The following CTNNA2 variants were observed in gnomAD, a reference collection of about 807,000 sequenced individuals.
The protein encoded by CTNNA2 is catenin alpha 2.
Under a neutral mutation model 101.0 loss-of-function variants are expected in CTNNA2, and 42 were observed. The observed-to-expected ratio is 0.42, with a 90% confidence interval of 0.32 to 0.54. The LOEUF is 0.54. Ranked by LOEUF, CTNNA2 falls within the 20% of genes least tolerant of loss-of-function variation. CTNNA2 has a pLI of 0.14. For missense variants in CTNNA2, 871 were observed against 1,223.1 expected (o/e 0.71, Z 4.29); for synonymous variants, 450 against 456.4 (o/e 0.99, Z 0.18).
chr2:80,099,755 C>CAAA lies in CTNNA2; in HGVS notation c.1056+189971_1056+189973dup, dbSNP rs11435408. Among the ~76,000 whole-genome samples, 158 of 141,462 alleles carry CAAA rather than the reference C, an allele frequency of 1.1e-3. No individual in the cohort carries two copies. In the East Asian group the frequency reaches 0.021, roughly 18 times the overall value. 92.8% of individuals were successfully genotyped at this position (141,462 alleles called of 152,430 possible). On this transcript the variant is annotated intron_variant, in intron 7 of 18. Transcript: ENST00000402739. ...TTGCTTATGTTTTTACTCTTTCCTT[C>CAAA]AAAAAAAAAAAAAAACATTTATCAA...
chr2:79,866,533 C>G lies in CTNNA2; in HGVS notation c.466-3283C>G, dbSNP rs1682112464. 4 of 152,268 alleles carry G rather than the reference C, an allele frequency of 2.6e-5. No homozygotes were observed. The South Asian group carries it at 8.3e-4, about 32-fold the overall frequency. 9.4% of individuals were successfully genotyped at this position (152,268 alleles called of 1,614,324 possible). The stretch of plus-strand genomic sequence containing the variant: ...AGGACATAAGTGTCTTCCAAACCTC[C>G]CCCTTATCAAAGGGCTCAGCCGTTG... On this transcript the variant is annotated intron_variant, in intron 4 of 18. Coordinates refer to ENST00000402739, the MANE Select transcript of CTNNA2 (RefSeq NM_001282597.3).
At chr2:80,060,593 C>G (rs533124647) in intron 7 of CTNNA2, among the ~76,000 whole-genome samples, 1 of 152,218 alleles carries the variant, frequency 6.6e-6, no homozygotes, top group African/African-American at 2.4e-5. Context: ...TCTCCCTCTG[C>G]TATGAAGAGT....
At chr2:80,190,850 A>G (rs1252375916) in intron 7 of CTNNA2, among the ~76,000 whole-genome samples, 2 of 152,136 alleles carry the variant, frequency 1.3e-5, no homozygotes, top group Admixed American at 1.3e-4. Context: ...TCCTTTTGCA[A>G]CAGCAATGTC....
intron 4 of CTNNA2, among the ~76,000 whole-genome samples, chr2:79,494,348 G>A (rs979300315): frequency 6.6e-6 from 1 of 150,836 alleles, no homozygotes; most frequent in African/African-American, 2.4e-5. Context: ...ATCTAGAATA[G>A]CAAAATCAGT....
At chr2:79,370,464 A>T (rs1677844791) in intron 3 of CTNNA2, among the ~76,000 whole-genome samples, 1 of 152,218 alleles carries the variant, frequency 6.6e-6, no homozygotes, top group African/African-American at 2.4e-5. Context: ...GGATGTTAGC[A>T]ATAGAAAATC....
At chr2:80,488,088 A>C (rs1686741777) in intron 9 of CTNNA2, among the ~76,000 whole-genome samples, 1 of 152,166 alleles carries the variant, frequency 6.6e-6, no homozygotes, top group African/African-American at 2.4e-5. Flanking sequence ...CCTATACCTT[A>C]TTTGCAATTT....
intron 9 of CTNNA2, among the ~76,000 whole-genome samples, chr2:80,518,081 T>G (rs1387945855): frequency 6.6e-6 from 1 of 152,232 alleles, no homozygotes; most frequent in African/African-American, 2.4e-5. Context: ...AATGCTGTCC[T>G]TCACTCAAAG....
At chr2:80,597,595 CA>C (rs1170574027) in intron 15 of CTNNA2, among the ~76,000 whole-genome samples, 1 of 152,032 alleles carries the variant, frequency 6.6e-6, no homozygotes, top group African/African-American at 2.4e-5. Context: ...GTCTAATATC[CA>C]GAATCTACAA....
chr2:79,317,793 C>A (rs1676530256), intron 3 of CTNNA2, among the ~76,000 whole-genome samples: 1 of 151,796 alleles, frequency 6.6e-6, no homozygotes, highest in Non-Finnish European at 1.5e-5. Flanking sequence ...ATATTTTGAC[C>A]TTTTTATGAT....
At chr2:80,249,781 T>G (rs907982162) in intron 7 of CTNNA2, among the ~76,000 whole-genome samples, 2 of 152,204 alleles carry the variant, frequency 1.3e-5, no homozygotes, top group Non-Finnish European at 2.9e-5. Flanking sequence ...CATAGCCTGC[T>G]TTATTTCACT....
intron 15 of CTNNA2, among the ~76,000 whole-genome samples, chr2:80,594,352 T>C (rs1027392610): frequency 2.0e-5 from 3 of 152,086 alleles, no homozygotes; most frequent in Non-Finnish European, 4.4e-5. Context: ...TTTGCTTTTT[T>C]GTTGTTGAGT....
Position 80,032,681 on chromosome 2 carries a change from A to G in CTNNA2, c.1056+122884A>G, listed in dbSNP as rs938499587. On this transcript the variant is annotated intron_variant, in intron 7 of 18. Coordinates refer to ENST00000402739, the MANE Select transcript of CTNNA2 (RefSeq NM_001282597.3). ...TAATATGCAAAAATCAATTGCTTCTATAAAATAGCTGGTTAGAAGATTTAA... is the reference window on the plus strand; with the variant it reads ...TAATATGCAAAAATCAATTGCTTCTGTAAAATAGCTGGTTAGAAGATTTAA... Among the ~76,000 whole-genome samples the G allele has an allele frequency of 5.3e-5, 8 of 152,348 alleles. 1 individual carries two copies. The East Asian group carries it at 1.2e-3, about 22-fold the overall frequency.
chr2:79,838,394 A>G (rs1679552475), intron 3 of CTNNA2, among the ~76,000 whole-genome samples: 1 of 152,150 alleles, frequency 6.6e-6, no homozygotes, highest in African/African-American at 2.4e-5. Flanking sequence ...GTTTAGAAGA[A>G]GAAAGGAATG....
chr2:79,990,343 TCCCAGATAA>T (rs1366269456), intron 7 of CTNNA2, among the ~76,000 whole-genome samples: 19 of 152,086 alleles, frequency 1.2e-4, no homozygotes, highest in Non-Finnish European at 2.9e-5. Context: ...GGAAGAAAGG[TCCCAGATAA>T]CCTCACCAGG....
At chr2:79,368,921 T>A (rs1677809197) in intron 3 of CTNNA2, among the ~76,000 whole-genome samples, 1 of 152,198 alleles carries the variant, frequency 6.6e-6, no homozygotes. Flanking sequence ...GTTGTTATTG[T>A]TGTTTTCCCT....
intron 4 of CTNNA2, among the ~76,000 whole-genome samples, chr2:79,418,795 C>T (rs1678510076): frequency 6.6e-6 from 1 of 151,984 alleles, no homozygotes; most frequent in African/African-American, 2.4e-5. Context: ...AATTTACTGA[C>T]TGAAGGAATA....
intron 9 of CTNNA2, among the ~76,000 whole-genome samples, chr2:80,472,979 C>A (rs1685428547): frequency 6.6e-6 from 1 of 152,136 alleles, no homozygotes; most frequent in South Asian, 2.1e-4. Context: ...ACCTACTGTG[C>A]CCACTTGTCT....
intron 2 of CTNNA2, among the ~76,000 whole-genome samples, chr2:79,228,413 G>A (rs1391604069): frequency 6.6e-6 from 1 of 152,102 alleles, no homozygotes; most frequent in African/African-American, 2.4e-5. Flanking sequence ...TTGCCAACAC[G>A]TGTTGTTTTT....
At chr2:79,886,750 C>CA (rs1168632966) in intron 6 of CTNNA2, among the ~76,000 whole-genome samples, 2,572 of 23,210 alleles carry the variant, frequency 0.11, 593 homozygotes, top group Non-Finnish European at 0.12. Context: ...GACTCCATCT[C>CA]AAAAAAAAAA....
Sources: allele counts gnomAD v4.1 joint callset (sites outside exome capture counted in the v4.1 genomes callset), GRCh38; gene constraint gnomAD v4.1.1; transcripts MANE v1.5; gene names NCBI Gene and HGNC (gene_info 2026-07-23, HGNC 2026-07-21).